The following KHDRBS2 variants were observed in gnomAD, a reference collection of about 807,000 sequenced individuals.
The protein encoded by KHDRBS2 is KH RNA binding domain containing, signal transduction associated 2.
A neutral mutation model predicts 44.3 loss-of-function variants in KHDRBS2; 26 were observed. The ratio of observed to expected loss-of-function variants is 0.59; its 90% CI spans 0.43 to 0.81. The LOEUF is 0.81. Among genes scored for constraint, KHDRBS2 ranks in the 40% least tolerant of loss-of-function variants. The probability of loss-of-function intolerance (pLI) is 0.00; values close to 1 mark genes in which losing one functional copy is unlikely to be tolerated. For missense variants in KHDRBS2, 476 were observed against 433.1 expected (o/e 1.10, Z -0.88); for synonymous variants, 194 against 151.1 (o/e 1.28, Z -2.08).
At chr6:62,267,492 G>A (rs1270147455) in intron 1 of KHDRBS2, among the ~76,000 whole-genome samples, 1 of 151,940 alleles carries the variant, frequency 6.6e-6, no homozygotes, top group Non-Finnish European at 1.5e-5. Flanking sequence ...AAGGAGACAG[G>A]GGTTCTAAAA....
At chr6:61,708,857 A>G (rs1397609908) in intron 7 of KHDRBS2, among the ~76,000 whole-genome samples, 1 of 151,682 alleles carries the variant, frequency 6.6e-6, no homozygotes, top group East Asian at 1.9e-4. Flanking sequence ...ATGATGGAGA[A>G]TAGCGAAGTC....
At chr6:61,835,341 A>G (rs908735330) in intron 6 of KHDRBS2, among the ~76,000 whole-genome samples, 1 of 152,086 alleles carries the variant, frequency 6.6e-6, no homozygotes, top group African/African-American at 2.4e-5. Context: ...ATGAGGCATG[A>G]AAAGAGTATA....
At chr6:61,639,147 T>C in the KHDRBS2 span, among the ~76,000 whole-genome samples, 1 of 152,140 alleles carries the variant, frequency 6.6e-6, no homozygotes, top group Non-Finnish European at 1.5e-5. Context: ...TTTTGCTTAC[T>C]AATTAAATAT....
At chr6:62,241,330 T>C (rs1834634242) in intron 1 of KHDRBS2, among the ~76,000 whole-genome samples, 1 of 152,148 alleles carries the variant, frequency 6.6e-6, no homozygotes. Context: ...TAACTGTCTT[T>C]TTACTCTTTT....
intron 8 of KHDRBS2, among the ~76,000 whole-genome samples, chr6:61,694,211 T>G (rs1767660863): frequency 6.6e-6 from 1 of 152,196 alleles, no homozygotes; most frequent in Non-Finnish European, 1.5e-5. Flanking sequence ...AAGAGATTGT[T>G]CACTACAACA....
intron 6 of KHDRBS2, among the ~76,000 whole-genome samples, chr6:61,742,966 G>A (rs1012389320): frequency 6.6e-6 from 1 of 151,904 alleles, no homozygotes; most frequent in Non-Finnish European, 1.5e-5. Context: ...TAGATTCTCT[G>A]GAAATTAAAA....
chr6:61,557,437 T>C, the KHDRBS2 span, among the ~76,000 whole-genome samples: 1 of 152,164 alleles, frequency 6.6e-6, no homozygotes, highest in African/African-American at 2.4e-5. Context: ...AAAACAGCAA[T>C]AATATTTTCC....
At chr6:62,202,714 C>A (rs1827240183) in intron 1 of KHDRBS2, among the ~76,000 whole-genome samples, 1 of 152,020 alleles carries the variant, frequency 6.6e-6, no homozygotes, top group Admixed American at 6.6e-5. Context: ...AATACAAAGT[C>A]ATGATCATGG....
At chr6:61,755,356 C>T (rs549254500) in intron 6 of KHDRBS2, among the ~76,000 whole-genome samples, 1 of 151,730 alleles carries the variant, frequency 6.6e-6, no homozygotes, top group African/African-American at 2.4e-5. Context: ...GGAACCACTG[C>T]CTTAGAGCCT....
At chr6:61,666,958 C>A in the KHDRBS2 span, among the ~76,000 whole-genome samples, 1 of 147,504 alleles carries the variant, frequency 6.8e-6, no homozygotes, top group Non-Finnish European at 1.5e-5. Context: ...AGATCAACTG[C>A]TGACCTGTTT....
At chr6:61,922,890 G>T (rs1808308920) in intron 4 of KHDRBS2, among the ~76,000 whole-genome samples, 1 of 152,058 alleles carries the variant, frequency 6.6e-6, no homozygotes, top group Non-Finnish European at 1.5e-5. Context: ...GCACAAGGTG[G>T]TAATCAATTC....
chr6:62,133,150 C>A (rs1229443935), intron 2 of KHDRBS2, among the ~76,000 whole-genome samples: 1 of 151,960 alleles, frequency 6.6e-6, no homozygotes, highest in East Asian at 1.9e-4. Context: ...AGAATGGAAG[C>A]ATTTCTAGAT....
intron 7 of KHDRBS2, among the ~76,000 whole-genome samples, chr6:61,703,280 T>C (rs1768973555): frequency 1.3e-5 from 2 of 151,846 alleles, no homozygotes; most frequent in Admixed American, 6.6e-5. Flanking sequence ...ATGTCACATA[T>C]TTTAAAAATT....
At chr6:61,684,109 T>TA (rs1462816576) in intron 8 of KHDRBS2, among the ~76,000 whole-genome samples, 1 of 151,986 alleles carries the variant, frequency 6.6e-6, no homozygotes, top group Non-Finnish European at 1.5e-5. Context: ...GTTACACATT[T>TA]ACAATTGCCA....
intron 7 of KHDRBS2, among the ~76,000 whole-genome samples, chr6:61,728,526 A>G (rs1214094799): frequency 6.6e-6 from 1 of 152,202 alleles, no homozygotes; most frequent in Non-Finnish European, 1.5e-5. Context: ...AACTGAAAAT[A>G]ACTTAAACAT....
intron 6 of KHDRBS2, among the ~76,000 whole-genome samples, chr6:61,841,877 C>T (rs1793658134): frequency 6.6e-6 from 1 of 152,046 alleles, no homozygotes; most frequent in African/African-American, 2.4e-5. Context: ...TGCTTGAGTA[C>T]CTTTCCTCAT....
intron 6 of KHDRBS2, among the ~76,000 whole-genome samples, chr6:61,891,882 T>C (rs891228515): frequency 1.3e-5 from 2 of 152,096 alleles, no homozygotes; most frequent in African/African-American, 4.8e-5. Flanking sequence ...TTCAACATAG[T>C]GTTGGAAGTT....
intron 6 of KHDRBS2, among the ~76,000 whole-genome samples, chr6:61,842,798 C>G (rs2127273655): frequency 6.6e-6 from 1 of 152,022 alleles, no homozygotes; most frequent in Middle Eastern, 3.4e-3. Context: ...TTCATAGCAG[C>G]CAAAAAGTGA....
the KHDRBS2 span, among the ~76,000 whole-genome samples, chr6:61,620,644 A>AAAC: frequency 3.0e-3 from 455 of 152,306 alleles, 3 homozygotes; most frequent in African/African-American, 0.011. Flanking sequence ...CCTTCAGGAG[A>AAAC]AACTGCTGCA....
Sources: allele counts gnomAD v4.1 joint callset (sites outside exome capture counted in the v4.1 genomes callset), GRCh38; gene constraint gnomAD v4.1.1; transcripts MANE v1.5; gene names NCBI Gene and HGNC (gene_info 2026-07-23, HGNC 2026-07-21).